SERPINB12: variants seen among roughly 807,000 people sequenced by gnomAD.
The protein encoded by SERPINB12 is serpin family B member 12.
SERPINB12 carries 57 observed loss-of-function variants against 41.1 expected under a neutral mutation model. That is an observed-to-expected ratio of 1.39 (90% CI 1.12 to 1.73). SERPINB12 has a LOEUF of 1.73. Ranked by LOEUF, SERPINB12 falls within the 40% of genes most tolerant of loss-of-function variation. The probability of loss-of-function intolerance (pLI) is 0.00; values close to 1 mark genes in which losing one functional copy is unlikely to be tolerated. For synonymous variants in SERPINB12, 180 were observed against 181.3 expected (o/e 0.99, Z 0.06); for missense variants, 536 against 501.9 (o/e 1.07, Z -0.65).
the SERPINB12 span, among the ~76,000 whole-genome samples, chr18:63,520,466 T>C: frequency 6.6e-6 from 1 of 152,166 alleles, no homozygotes; most frequent in African/African-American, 2.4e-5. Context: ...CACAGATGCA[T>C]GGTGGGGAGA....
Position 63,567,017 on chromosome 18 carries a change from G to A in SERPINB12, c.*6G>A, listed in dbSNP as rs764329787. 8 of 1,565,206 alleles carry A rather than the reference G, an allele frequency of 5.1e-6. No individual in the cohort carries two copies. Among genetic ancestry groups the A allele is most frequent in the South Asian group, 3.7e-5 (3 of 81,634 alleles). On this transcript the variant is annotated 3_prime_UTR_variant, in exon 8 of 8. Coordinates refer to ENST00000382768, the MANE Select transcript of SERPINB12 (RefSeq NM_001307928.2). ...GCAGGGTCTGCTCTCCTTAAAAGGGGAGCAGTGTCTAGTACTTTGGAGCTG... is the reference window on the plus strand; with the variant it reads ...GCAGGGTCTGCTCTCCTTAAAAGGGAAGCAGTGTCTAGTACTTTGGAGCTG...
At position 63,565,563 on chromosome 18, in the gene SERPINB12, T is replaced by A; in HGVS notation, c.824T>A (p.Phe275Tyr). 1 of 1,614,118 alleles carries A rather than the reference T, an allele frequency of 6.2e-7. No homozygotes were observed. The highest frequency in any genetic ancestry group is 8.5e-7 in the Non-Finnish European group (1 of 1,179,974). Residue 275 changes from phenylalanine to tyrosine, a missense_variant, in exon 7 of 8, where the codon TTC becomes TAC. Transcript: ENST00000382768. ...TACACCAAGGGGAAGCTCAGCATGT[T>A]CGTGCTGCTGCCATCTCACTCTAAA... is the stretch of plus-strand genomic sequence containing the variant. ...MRYTKGKLSM[F>Y]VLLPSHSKDN...
the SERPINB12 span, among the ~76,000 whole-genome samples, chr18:63,537,006 A>C: frequency 6.6e-6 from 1 of 152,202 alleles, no homozygotes; most frequent in Non-Finnish European, 1.5e-5. Flanking sequence ...AAAAATAAAA[A>C]GTTAAAAATA....
At chr18:63,537,788 C>A (rs1225525356), upstream of SERPINB12, among the ~76,000 whole-genome samples, 1 of 152,114 alleles carries the variant, frequency 6.6e-6, no homozygotes, top group African/African-American at 2.4e-5. Flanking sequence ...CACTTAATGA[C>A]TAATCTTCAG....
Position 63,568,529 on chromosome 18 carries a change from G to A in SERPINB12, c.*1518G>A, listed in dbSNP as rs1568135086. On this transcript the variant is annotated 3_prime_UTR_variant, in exon 8 of 8. Coordinates refer to ENST00000382768, the MANE Select transcript of SERPINB12 (RefSeq NM_001307928.2). ...GCGGACTCAGGGCCTCTGTTCTCTG[G>A]TGTGGTAATCTGAGTTCCTAATTTC... Among the ~76,000 whole-genome samples, 1 of 152,170 alleles carries A rather than the reference G, an allele frequency of 6.6e-6. No individual in the cohort carries two copies. Among genetic ancestry groups the A allele is most frequent in the Admixed American group, 6.5e-5 (1 of 15,278 alleles).
the SERPINB12 span, among the ~76,000 whole-genome samples, chr18:63,519,598 G>C: frequency 3.0e-4 from 45 of 152,098 alleles, no homozygotes; most frequent in Admixed American, 5.9e-4. Flanking sequence ...AGTACCATTT[G>C]GTGCATTATT....
At chr18:63,540,164 G>A (rs1403533767), upstream of SERPINB12, among the ~76,000 whole-genome samples, 1 of 152,164 alleles carries the variant, frequency 6.6e-6, no homozygotes, top group East Asian at 1.9e-4. Context: ...GTGCAAATGA[G>A]TGATTTATGT....
rs150629715 is a variant in SERPINB12 at position 63,543,526 on chromosome 18, G to A, written c.-19+1034G>A. Among the ~76,000 whole-genome samples, 14 of 152,080 alleles carry A rather than the reference G, an allele frequency of 9.2e-5. No homozygotes were observed. In the South Asian group the frequency reaches 2.5e-3, roughly 27 times the overall value. On this transcript the variant is annotated intron_variant, in intron 1 of 7. Transcript: ENST00000382768. ...TGTTATTTTACTGTAATACTGAAGG[G>A]CATTAGGGTTTTGCTTGGGGTTAAG...
upstream of SERPINB12, among the ~76,000 whole-genome samples, chr18:63,539,113 C>T (rs953554202): frequency 1.3e-5 from 2 of 152,072 alleles, no homozygotes; most frequent in African/African-American, 4.8e-5. Context: ...AAGGTTCCTC[C>T]CTGACCAGGG....
chr18:63,556,837 T>C (rs189118222), intron 2 of SERPINB12, among the ~76,000 whole-genome samples: 2 of 152,346 alleles, frequency 1.3e-5, no homozygotes, highest in African/African-American at 4.8e-5. Flanking sequence ...ATATCCATAA[T>C]CCAGGCACTT....
the SERPINB12 span, among the ~76,000 whole-genome samples, chr18:63,532,679 T>C: frequency 6.6e-6 from 1 of 152,158 alleles, no homozygotes; most frequent in Non-Finnish European, 1.5e-5. Context: ...CTATGGTAGA[T>C]GCAAATGATT....
upstream of SERPINB12, among the ~76,000 whole-genome samples, chr18:63,541,270 A>G (rs185885206): frequency 4.5e-4 from 68 of 152,282 alleles, no homozygotes; most frequent in Non-Finnish European, 7.9e-4. Context: ...CAACTTTAAC[A>G]CCCACAGCAC....
the SERPINB12 span, among the ~76,000 whole-genome samples, chr18:63,522,111 T>A: frequency 6.6e-6 from 1 of 152,360 alleles, no homozygotes; most frequent in African/African-American, 2.4e-5. Context: ...TTAGTTTTTA[T>A]CAAATTTTAC....
intron 1 of SERPINB12, among the ~76,000 whole-genome samples, chr18:63,543,017 C>T (rs1014584134): frequency 6.6e-6 from 1 of 152,034 alleles, no homozygotes; most frequent in African/African-American, 2.4e-5. Context: ...GTGTATGTAC[C>T]ACATTTTCTT....
the SERPINB12 span, among the ~76,000 whole-genome samples, chr18:63,519,512 C>T: frequency 1.6e-4 from 24 of 152,306 alleles, no homozygotes; most frequent in Admixed American, 5.2e-4. Flanking sequence ...TTGCTTCTGC[C>T]TCAACTCCGC....
At chr18:63,553,857 C>T (rs1910594261) in intron 1 of SERPINB12, among the ~76,000 whole-genome samples, 1 of 151,986 alleles carries the variant, frequency 6.6e-6, no homozygotes, top group Admixed American at 6.6e-5. Flanking sequence ...ATCTGTTGGA[C>T]ATCAAGATGT....
At chr18:63,557,952 A>G (rs914592381) in intron 2 of SERPINB12, among the ~76,000 whole-genome samples, 1 of 152,250 alleles carries the variant, frequency 6.6e-6, no homozygotes, top group Non-Finnish European at 1.5e-5. Context: ...GCAAAATATC[A>G]TATCCACATA....
At chr18:63,528,431 A>G in the SERPINB12 span, among the ~76,000 whole-genome samples, 1 of 102,138 alleles carries the variant, frequency 9.8e-6, no homozygotes, top group Non-Finnish European at 2.3e-5. Context: ...AATAAATCCT[A>G]TAAATCCTAT....
intron 1 of SERPINB12, among the ~76,000 whole-genome samples, chr18:63,547,965 C>T (rs562892936): frequency 1.6e-4 from 25 of 152,212 alleles, no homozygotes; most frequent in African/African-American, 5.8e-4. Context: ...TCATGTGCTA[C>T]CATTGTGTTC....
Sources: allele counts gnomAD v4.1 joint callset (sites outside exome capture counted in the v4.1 genomes callset), GRCh38; gene constraint gnomAD v4.1.1; transcripts MANE v1.5; gene names NCBI Gene and HGNC (gene_info 2026-07-23, HGNC 2026-07-21).